Variants in ABI3BP observed in about 807,000 individuals in gnomAD.
ABI3BP encodes the protein target of Nesh-SH3.
ABI3BP carries 216 observed loss-of-function variants against 268.6 expected under a neutral mutation model. That is an observed-to-expected ratio of 0.80 (90% CI 0.72 to 0.90). ABI3BP has a LOEUF of 0.90. ABI3BP is among the 40% of genes least tolerant of loss of function. The pLI, the probability that ABI3BP is intolerant of heterozygous loss-of-function variation, is 0.00. For synonymous variants in ABI3BP, 730 were observed against 730.0 expected (o/e 1.00, Z 0.00); for missense variants, 2,090 against 2,182.4 (o/e 0.96, Z 0.84).
intron 61 of ABI3BP, among the ~76,000 whole-genome samples, chr3:100,772,915 C>T (rs1408101629): frequency 6.6e-6 from 1 of 151,616 alleles, no homozygotes; most frequent in Non-Finnish European, 1.5e-5. Flanking sequence ...CACATCTCTA[C>T]TAAAAATACA....
chr3:100,883,254 T>A (rs1305704593), intron 6 of ABI3BP, among the ~76,000 whole-genome samples: 1 of 152,084 alleles, frequency 6.6e-6, no homozygotes, highest in Non-Finnish European at 1.5e-5. Flanking sequence ...AGGGAGGGCC[T>A]TTCTAAAATA....
chr3:100,941,181 A>T (rs979370925), intron 1 of ABI3BP, among the ~76,000 whole-genome samples: 3 of 152,032 alleles, frequency 2.0e-5, no homozygotes, highest in African/African-American at 7.2e-5. Flanking sequence ...CTCAAATGAC[A>T]GCATTTCATG....
At chr3:100,844,007 C>T in intron 20 of ABI3BP, 1 of 983,064 alleles carries the variant, frequency 1.0e-6, no homozygotes, top group Middle Eastern at 5.2e-4. Flanking sequence ...GCTTCAAAGT[C>T]AATTGCACAT....
intron 1 of ABI3BP, among the ~76,000 whole-genome samples, chr3:100,984,970 T>A (rs998722128): frequency 1.3e-5 from 2 of 152,090 alleles, no homozygotes; most frequent in African/African-American, 4.8e-5. Context: ...ATGGAAAAAT[T>A]GTTTTATTAA....
intron 48 of ABI3BP, 123 bp from the exon 49 acceptor site, chr3:100,810,600 A>T: frequency 1.6e-6 from 1 of 640,720 alleles, no homozygotes; most frequent in South Asian, 2.4e-5. Context: ...AGTCTGCAGC[A>T]AAACAGCATT....
chr3:100,905,354 A>G (rs534716658), intron 2 of ABI3BP, among the ~76,000 whole-genome samples: 1 of 152,316 alleles, frequency 6.6e-6, no homozygotes, highest in South Asian at 2.1e-4. Flanking sequence ...TTGCACATGT[A>G]TACATATGTA....
chr3:100,870,729 T>C (rs917836198), intron 9 of ABI3BP, among the ~76,000 whole-genome samples: 3 of 152,148 alleles, frequency 2.0e-5, no homozygotes, highest in African/African-American at 7.2e-5. Flanking sequence ...CAGCACCTCA[T>C]AGAGATACAT....
At chr3:100,990,891 T>C (rs34645172) in intron 1 of ABI3BP, among the ~76,000 whole-genome samples, 15,723 of 152,180 alleles carry the variant, frequency 0.1, 1,100 homozygotes, top group Non-Finnish European at 0.15. Context: ...ATTTGTAAAA[T>C]AAATGGTTAT....
intron 1 of ABI3BP, among the ~76,000 whole-genome samples, chr3:100,960,072 G>A (rs2078457716): frequency 1.3e-5 from 2 of 152,078 alleles, no homozygotes; most frequent in African/African-American, 4.8e-5. Context: ...ACTATTACAT[G>A]GGGAATTTAA....
At chr3:100,854,366 C>T (rs1300256469) in intron 14 of ABI3BP, among the ~76,000 whole-genome samples, 6 of 152,032 alleles carry the variant, frequency 3.9e-5, no homozygotes, top group Admixed American at 3.9e-4. Flanking sequence ...ACAACAACAA[C>T]AACAAAAAGA....
chr3:100,787,881 T>A (rs758775185), intron 56 of ABI3BP, 79 bp from the exon 57 acceptor site: 1 of 1,055,364 alleles, frequency 9.5e-7, no homozygotes, highest in African/African-American at 1.6e-5. Context: ...TCTCAGAGAA[T>A]TGAAAGTCAT....
At chr3:100,798,253 C>T (rs966057307) in intron 51 of ABI3BP, among the ~76,000 whole-genome samples, 3 of 151,966 alleles carry the variant, frequency 2.0e-5, no homozygotes, top group South Asian at 2.1e-4. Context: ...TCTTTTTAAC[C>T]GTGAAGTGAT....
At chr3:100,899,914 T>C (rs1009649752) in intron 3 of ABI3BP, among the ~76,000 whole-genome samples, 3 of 152,208 alleles carry the variant, frequency 2.0e-5, no homozygotes, top group African/African-American at 7.2e-5. Context: ...TTAAGGTAGG[T>C]AGGAGAGTGC....
At chr3:100,834,901 C>A in intron 28 of ABI3BP, 128 bp from the exon 29 acceptor site, 1 of 831,312 alleles carries the variant, frequency 1.2e-6, no homozygotes. Context: ...TTAGAATTTT[C>A]TTCTGATCAT....
At chr3:100,969,446 TAA>T in intron 1 of ABI3BP, among the ~76,000 whole-genome samples, 1 of 152,150 alleles carries the variant, frequency 6.6e-6, no homozygotes, top group Admixed American at 6.5e-5. Flanking sequence ...AGCCAAGTAC[TAA>T]AGGGATGGGC....
intron 55 of ABI3BP, among the ~76,000 whole-genome samples, chr3:100,791,978 T>G (rs1467528909): frequency 6.6e-6 from 1 of 151,894 alleles, no homozygotes; most frequent in African/African-American, 2.4e-5. Flanking sequence ...TTTGGTCTTA[T>G]TTTTGGCTTT....
chr3:100,894,951 AAAAAAAAAAAAAAAAACAG>A lies in ABI3BP; in HGVS notation c.461+3792_461+3810del, dbSNP rs1202503691. Among the ~76,000 whole-genome samples, 303 of 112,594 alleles carry A rather than the reference AAAAAAAAAAAAAAAAACAG, an allele frequency of 2.7e-3. 2 individuals carry two copies. Among genetic ancestry groups the A allele is most frequent in the South Asian group, 0.016 (66 of 4,014 alleles). The allele number at this position is 112,594 out of a possible 152,430, so 73.9% of individuals were successfully genotyped here. On this transcript the variant is annotated intron_variant, in intron 4 of 67. Transcript: ENST00000471714. Reference sequence around the variant, plus strand: ...GGGATTCCGCTTCAAAAAAAAAAAAAAAAAAAAAAAAAAAAACAGAAAAAAAAAACACAAGATGAGAATG... The same window carrying A: ...GGGATTCCGCTTCAAAAAAAAAAAAAAAAAAAAAAACACAAGATGAGAATG...
Position 100,843,538 on chromosome 3 carries a change from TGTGTGA to T in ABI3BP, c.1724-1505_1724-1500del, listed in dbSNP as rs1280954625. 786 of 869,486 alleles carry T rather than the reference TGTGTGA, an allele frequency of 9.0e-4. No individual in the cohort carries two copies. The African/African-American group carries it at 0.012, about 13-fold the overall frequency. The allele number at this position is 869,486 out of a possible 1,614,324, so 53.9% of individuals were successfully genotyped here. A position where few individuals can be genotyped will look rare whatever the true frequency, so the allele number is the denominator to read the frequency against. ...GAGAGGATGTGTGTGTGTGTGTGTGTGTGTGAGAGAGAGAGAGAGAGAGAGAGAGGG... is the reference window on the plus strand; with the variant it reads ...GAGAGGATGTGTGTGTGTGTGTGTGTGAGAGAGAGAGAGAGAGAGAGAGGG... On this transcript the variant is annotated intron_variant, in intron 20 of 67. Coordinates refer to ENST00000471714, the MANE Select transcript of ABI3BP (RefSeq NM_001375547.2).
intron 1 of ABI3BP, among the ~76,000 whole-genome samples, chr3:100,987,492 T>C (rs2092112487): frequency 6.6e-6 from 1 of 152,196 alleles, no homozygotes; most frequent in African/African-American, 2.4e-5. Flanking sequence ...GAAAACTTTA[T>C]TTTTTTAAAC....
Sources: gnomAD v4.1 joint callset for allele counts (sites outside exome capture counted in the v4.1 genomes callset) on GRCh38, gnomAD v4.1.1 for gene constraint, MANE v1.5 for transcripts, NCBI Gene and HGNC (gene_info 2026-07-23, HGNC 2026-07-21) for gene names.